Variants in SMOC2 observed in about 807,000 individuals in gnomAD.
The protein encoded by SMOC2 is SPARC related modular calcium binding 2.
A neutral mutation model predicts 61.4 loss-of-function variants in SMOC2; 39 were observed. That is an observed-to-expected ratio of 0.64 (90% CI 0.49 to 0.83). The LOEUF (loss-of-function observed/expected upper bound fraction) is 0.83, where lower values mean the gene tolerates loss of function less well. SMOC2 is among the 40% of genes least tolerant of loss of function. The pLI is 0.00. For missense variants in SMOC2, 556 were observed against 592.9 expected, an observed-to-expected ratio of 0.94 and a Z score of 0.65; for synonymous variants, 247 against 239.9, an observed-to-expected ratio of 1.03 and a Z score of -0.27.
chr6:168,523,523 G>T (rs1400746831), intron 2 of SMOC2, among the ~76,000 whole-genome samples: 1 of 150,862 alleles, frequency 6.6e-6, no homozygotes, highest in African/African-American at 2.4e-5. Flanking sequence ...GAGTAGCTGG[G>T]AACACAGGCG....
chr6:168,554,772 T>C (rs1784208099), intron 7 of SMOC2, among the ~76,000 whole-genome samples: 1 of 152,202 alleles, frequency 6.6e-6, no homozygotes, highest in Non-Finnish European at 1.5e-5. Context: ...GATGGAGCCA[T>C]GCTGCCACAG....
At chr6:168,534,440 G>A (rs1222640165) in intron 4 of SMOC2, among the ~76,000 whole-genome samples, 1 of 152,202 alleles carries the variant, frequency 6.6e-6, no homozygotes, top group Non-Finnish European at 1.5e-5. Flanking sequence ...CGTCTGCCAG[G>A]GCCCGGACTG....
chr6:168,500,492 G>A (rs780708916), intron 1 of SMOC2, among the ~76,000 whole-genome samples: 1 of 152,062 alleles, frequency 6.6e-6, no homozygotes, highest in East Asian at 1.9e-4. Context: ...CCTCACGGAG[G>A]TGTTCTAGGG....
chr6:168,664,480 C>CCGCCT, intron 12 of SMOC2: 1 of 410,062 alleles, frequency 2.4e-6, no homozygotes, highest in Non-Finnish European at 4.6e-6. Context: ...AGCAATCCAC[C>CCGCCT]TGGGATTACA....
chr6:168,595,045 C>T (rs868128145), intron 7 of SMOC2, among the ~76,000 whole-genome samples: 23 of 121,654 alleles, frequency 1.9e-4, no homozygotes, highest in East Asian at 4.7e-4. Flanking sequence ...GCCTCACGAG[C>T]ATCTTTCTAG....
chr6:168,652,755 C>T (rs1787227376), intron 10 of SMOC2, among the ~76,000 whole-genome samples, 199 bp from the exon 11 acceptor site: 1 of 152,124 alleles, frequency 6.6e-6, no homozygotes, highest in Non-Finnish European at 1.5e-5. Flanking sequence ...AATTTTGAAT[C>T]CAACCTGAAA....
intron 6 of SMOC2, 106 bp from the exon 7 acceptor site, chr6:168,549,023 T>G: frequency 1.2e-6 from 1 of 811,004 alleles, no homozygotes; most frequent in South Asian, 1.4e-5. Flanking sequence ...ATGTGTGTTA[T>G]GTTGATTTAT....
chr6:168,615,619 C>T (rs1172165622), intron 9 of SMOC2, among the ~76,000 whole-genome samples: 1 of 106,668 alleles, frequency 9.4e-6, no homozygotes, highest in Non-Finnish European at 2.0e-5. Flanking sequence ...CTCTTCACAC[C>T]TACAGCCAGC....
intron 7 of SMOC2, among the ~76,000 whole-genome samples, chr6:168,592,344 C>A (rs1240728385): frequency 2.0e-5 from 3 of 146,378 alleles, no homozygotes; most frequent in African/African-American, 7.5e-5. Flanking sequence ...GATCTCCGAG[C>A]TCCTCCTCCT....
intron 9 of SMOC2, among the ~76,000 whole-genome samples, chr6:168,614,156 C>T (rs28405346): frequency 1.2e-5 from 1 of 83,998 alleles, no homozygotes; most frequent in African/African-American, 5.1e-5. Flanking sequence ...GGCCTCTTCA[C>T]ACCTACAGCC....
intron 7 of SMOC2, among the ~76,000 whole-genome samples, chr6:168,592,010 T>G (rs1287231796): frequency 6.6e-6 from 1 of 152,218 alleles, no homozygotes; most frequent in Non-Finnish European, 1.5e-5. Flanking sequence ...TATAGTAATA[T>G]GATTAGTTTA....
At chr6:168,485,296 T>G (rs767206050) in intron 1 of SMOC2, among the ~76,000 whole-genome samples, 1 of 152,162 alleles carries the variant, frequency 6.6e-6, no homozygotes, top group Non-Finnish European at 1.5e-5. Context: ...CAGAGTTCTC[T>G]TATGAACCAG....
At chr6:168,511,261 T>G (rs1269471990) in intron 2 of SMOC2, among the ~76,000 whole-genome samples, 1 of 152,162 alleles carries the variant, frequency 6.6e-6, no homozygotes, top group East Asian at 1.9e-4. Context: ...GACCGGTACA[T>G]TTATAAGGAA....
chr6:168,602,121 G>A (rs1785567939), intron 8 of SMOC2, among the ~76,000 whole-genome samples: 1 of 152,110 alleles, frequency 6.6e-6, no homozygotes, highest in African/African-American at 2.4e-5. Context: ...AATAAGAGAG[G>A]AGAGGCCCCA....
At chr6:168,660,521 C>T (rs16887252) in intron 11 of SMOC2, among the ~76,000 whole-genome samples, 20,566 of 152,282 alleles carry the variant, frequency 0.14, 3,670 homozygotes, top group African/African-American at 0.41. Context: ...GGTCACGCTT[C>T]ATGCAAGTGA....
chr6:168,557,335 C>G (rs1784273721), intron 7 of SMOC2, among the ~76,000 whole-genome samples: 1 of 152,026 alleles, frequency 6.6e-6, no homozygotes, highest in Non-Finnish European at 1.5e-5. Flanking sequence ...AATTAACTTA[C>G]CAAAAATATG....
chr6:168,449,332 A>G (rs1781407766), intron 1 of SMOC2, among the ~76,000 whole-genome samples: 1 of 152,242 alleles, frequency 6.6e-6, no homozygotes, highest in South Asian at 2.1e-4. Flanking sequence ...TCTTCCTGAC[A>G]TTAGCAATCG....
intron 1 of SMOC2, among the ~76,000 whole-genome samples, chr6:168,443,057 G>A (rs904681282): frequency 1.3e-5 from 2 of 152,246 alleles, no homozygotes; most frequent in Non-Finnish European, 2.9e-5. Context: ...CACACTAGAG[G>A]AGACAGAGAA....
intron 7 of SMOC2, among the ~76,000 whole-genome samples, chr6:168,565,216 G>C (rs1243197791): frequency 6.6e-6 from 1 of 152,210 alleles, no homozygotes; most frequent in Non-Finnish European, 1.5e-5. Flanking sequence ...TGTGAATACG[G>C]TGTATTAATC....
Sources: gnomAD v4.1 joint callset for allele counts (sites outside exome capture counted in the v4.1 genomes callset) on GRCh38, gnomAD v4.1.1 for gene constraint, MANE v1.5 for transcripts, NCBI Gene and HGNC (gene_info 2026-07-23, HGNC 2026-07-21) for gene names.